KCND2: variants seen among roughly 807,000 people sequenced by gnomAD.
KCND2 encodes potassium voltage-gated channel subfamily D member 2.
Under a neutral mutation model 54.4 loss-of-function variants are expected in KCND2, and 16 were observed. The observed-to-expected ratio is 0.29, with a 90% CI of 0.20 to 0.45. KCND2 has a LOEUF of 0.45. Among genes scored for constraint, KCND2 ranks in the 20% least tolerant of loss-of-function variants. The probability of loss-of-function intolerance (pLI) is 1.00; values close to 1 mark genes in which losing one functional copy is unlikely to be tolerated. For missense variants in KCND2, 486 were observed against 824.2 expected, an observed-to-expected ratio of 0.59 and a Z score of 5.02; for synonymous variants, 317 against 310.7, an observed-to-expected ratio of 1.02 and a Z score of -0.21.
At chr7:120,734,210 TTTGA>T (rs1266403409) in intron 2 of KCND2, among the ~76,000 whole-genome samples, 4 of 152,098 alleles carry the variant, frequency 2.6e-5, no homozygotes, top group African/African-American at 9.7e-5. Context: ...GTTGGCCCCC[TTTGA>T]TTGGCCAAAA....
chr7:120,344,083 A>G (rs1800278449), intron 1 of KCND2, among the ~76,000 whole-genome samples: 1 of 152,194 alleles, frequency 6.6e-6, no homozygotes, highest in Non-Finnish European at 1.5e-5. Context: ...CAAAATTGTT[A>G]AGAAAGGAAT....
intron 1 of KCND2, among the ~76,000 whole-genome samples, chr7:120,673,321 C>T (rs1792017466): frequency 6.6e-6 from 1 of 152,152 alleles, no homozygotes; most frequent in Non-Finnish European, 1.5e-5. Flanking sequence ...CTAGTTAACA[C>T]AAACTGAATG....
rs542738593 is a variant in KCND2 at position 120,671,221 on chromosome 7, A to G, written c.1116-61682A>G. 7.9e-5 allele frequency among the ~76,000 whole-genome samples: 12 copies of G among 152,172 alleles called. No homozygotes were observed. The South Asian group carries it at 2.5e-3, about 32-fold the overall frequency. Reference sequence around the variant, plus strand: ...TGTCACCAGGGTCCGGTTTCGTGGAAGACAGTTTTTCCACTAGTTAGATTT... The same window carrying G: ...TGTCACCAGGGTCCGGTTTCGTGGAGGACAGTTTTTCCACTAGTTAGATTT... On this transcript the variant is annotated intron_variant, in intron 1 of 5. Transcript: ENST00000331113.
At chr7:120,380,540 G>C (rs112851515) in intron 1 of KCND2, among the ~76,000 whole-genome samples, 195 of 152,060 alleles carry the variant, frequency 1.3e-3, no homozygotes, top group African/African-American at 4.3e-3. Flanking sequence ...TCACATAATA[G>C]CTTTTTAAAC....
chr7:120,291,544 C>G (rs1337866993), intron 1 of KCND2, among the ~76,000 whole-genome samples: 1 of 151,838 alleles, frequency 6.6e-6, no homozygotes, highest in Non-Finnish European at 1.5e-5. Context: ...ATATACAAAG[C>G]ATAGCAGGTA....
At chr7:120,465,503 TG>T (rs1183315452) in intron 1 of KCND2, among the ~76,000 whole-genome samples, 1 of 150,384 alleles carries the variant, frequency 6.6e-6, no homozygotes, top group Non-Finnish European at 1.5e-5. Flanking sequence ...AAATGGACCA[TG>T]AAAAAAAAAG....
intron 1 of KCND2, among the ~76,000 whole-genome samples, chr7:120,597,564 G>A (rs1792760863): frequency 6.6e-6 from 1 of 152,074 alleles, no homozygotes; most frequent in Non-Finnish European, 1.5e-5. Context: ...AATTCTGAAT[G>A]GCCAATTAAA....
At chr7:120,658,379 C>G (rs1263573727) in intron 1 of KCND2, among the ~76,000 whole-genome samples, 2 of 152,148 alleles carry the variant, frequency 1.3e-5, no homozygotes, top group African/African-American at 4.8e-5. Context: ...TTGTTTTAAT[C>G]AAATAAATTT....
intron 1 of KCND2, among the ~76,000 whole-genome samples, chr7:120,342,958 A>G (rs1245231723): frequency 6.6e-6 from 1 of 152,148 alleles, no homozygotes. Context: ...AAAGTGGTCT[A>G]TTGGGGTGGA....
intron 1 of KCND2, among the ~76,000 whole-genome samples, chr7:120,595,461 A>ATATATATATATATATATATGTG (rs1562883137): frequency 5.1e-5 from 5 of 97,324 alleles, no homozygotes; most frequent in Non-Finnish European, 9.7e-5. Context: ...CAAAAAAAAA[A>ATATATATATATATATATATGTG]TATATATATA....
intron 1 of KCND2, among the ~76,000 whole-genome samples, chr7:120,665,059 C>T (rs1360580234): frequency 6.6e-6 from 1 of 151,854 alleles, no homozygotes; most frequent in Non-Finnish European, 1.5e-5. Context: ...ATTTTAAAAC[C>T]CAGGGACCCA....
intron 1 of KCND2, among the ~76,000 whole-genome samples, chr7:120,414,516 G>A (rs1165200975): frequency 6.6e-6 from 1 of 152,104 alleles, no homozygotes; most frequent in African/African-American, 2.4e-5. Flanking sequence ...TTATGATAGA[G>A]TAATTACTAG....
intron 1 of KCND2, among the ~76,000 whole-genome samples, chr7:120,725,563 G>A (rs1021872343): frequency 2.0e-5 from 3 of 152,044 alleles, no homozygotes; most frequent in Admixed American, 6.6e-5. Context: ...TACTTTTCTC[G>A]CTCTCAGCTT....
At position 120,560,341 on chromosome 7, in the gene KCND2, G is replaced by A. The variant is rs142599863; in HGVS notation, c.1116-172562G>A. 2.6e-5 allele frequency among the ~76,000 whole-genome samples: 4 copies of A among 152,204 alleles called. No homozygotes were observed. In the East Asian group the frequency reaches 7.7e-4, roughly 29 times the overall value. On this transcript the variant is annotated intron_variant, in intron 1 of 5. Transcript: ENST00000331113. Reference sequence around the variant, plus strand: ...AGGCTACATTTAAGACTTGCTACTTGAAGTGGAATGATGAATCAAATTTGA... The same window carrying A: ...AGGCTACATTTAAGACTTGCTACTTAAAGTGGAATGATGAATCAAATTTGA...
At chr7:120,438,819 CTTGT>C (rs1801907733) in intron 1 of KCND2, among the ~76,000 whole-genome samples, 1 of 152,040 alleles carries the variant, frequency 6.6e-6, no homozygotes, top group African/African-American at 2.4e-5. Context: ...CCTGACCCAG[CTTGT>C]TTCTTTTCAT....
intron 1 of KCND2, among the ~76,000 whole-genome samples, chr7:120,496,706 G>C (rs531129802): frequency 6.6e-6 from 1 of 152,228 alleles, no homozygotes; most frequent in Non-Finnish European, 1.5e-5. Context: ...TTACAGGCGT[G>C]AGCCACCGTG....
intron 1 of KCND2, among the ~76,000 whole-genome samples, chr7:120,301,357 C>T (rs1799583459): frequency 6.6e-6 from 1 of 152,142 alleles, no homozygotes; most frequent in Admixed American, 6.6e-5. Context: ...TCTGTAACCA[C>T]TGGCATTTTC....
chr7:120,501,189 G>A (rs1802927083), intron 1 of KCND2, among the ~76,000 whole-genome samples: 1 of 152,078 alleles, frequency 6.6e-6, no homozygotes, highest in Non-Finnish European at 1.5e-5. Flanking sequence ...TCACGGCACA[G>A]TAATGACCTT....
chr7:120,595,530 TG>T (rs1166681346), intron 1 of KCND2, among the ~76,000 whole-genome samples: 1 of 144,972 alleles, frequency 6.9e-6, no homozygotes, highest in Non-Finnish European at 1.5e-5. Flanking sequence ...TATATATATG[TG>T]TATATATATG....
Sources: allele counts gnomAD v4.1 joint callset (sites outside exome capture counted in the v4.1 genomes callset), GRCh38; gene constraint gnomAD v4.1.1; transcripts MANE v1.5; gene names NCBI Gene and HGNC (gene_info 2026-07-23, HGNC 2026-07-21).